Variants in CILP observed in about 807,000 individuals in gnomAD.
CILP encodes the protein cartilage intermediate layer protein, also known as cartilage intermediate layer protein 1.
CILP carries 75 observed loss-of-function variants against 82.5 expected under a neutral mutation model. The ratio of observed to expected loss-of-function variants is 0.91; its 90% CI spans 0.75 to 1.10. The LOEUF (loss-of-function observed/expected upper bound fraction) is 1.10, where lower values mean the gene tolerates loss of function less well. Among genes scored for constraint, CILP ranks in the 50% least tolerant of loss-of-function variants. CILP has a pLI of 0.00. For synonymous variants in CILP, 530 were observed against 580.3 expected, an observed-to-expected ratio of 0.91 and a Z score of 1.25; for missense variants, 1,479 against 1,530.8, an observed-to-expected ratio of 0.97 and a Z score of 0.56.
In CILP at chr15:65,207,727, G is replaced by A. The variant is rs1487520153; in HGVS notation, c.99C>T (p.Val33=). ...QTMLTQSVRR[V]QPGKKNPSIF... ...TGCTGGGGTTCTTCTTCCCAGGCTG[G>A]ACTCTTCTTACTGACTGGGTGAGCA... The change falls in exon 3 of 9, where the codon GTC becomes GTT. Residue 33 remains valine (V), a synonymous_variant. Coordinates refer to ENST00000261883, the MANE Select transcript of CILP (RefSeq NM_003613.4). 6 of 1,614,174 alleles carry A rather than the reference G, an allele frequency of 3.7e-6. No individual in the cohort carries two copies. In the South Asian group the frequency reaches 5.5e-5, roughly 15 times the overall value.
intron 8 of CILP, among the ~76,000 whole-genome samples, chr15:65,199,861 G>A (rs1210916858): frequency 2.6e-5 from 4 of 152,150 alleles, no homozygotes; most frequent in Non-Finnish European, 2.9e-5. Flanking sequence ...TCTTTTACAT[G>A]GCTTTAACCA....
chr15:65,197,774 A>C lies in CILP; in HGVS notation c.2512T>G (p.Ser838Ala). The change falls in exon 9 of 9, where the codon TCT becomes GCT. Residue 838 changes from serine (S) to alanine (A), a missense_variant. Ser to Ala is a moderately conservative substitution (Grantham distance 99). Coordinates refer to ENST00000261883, the MANE Select transcript of CILP (RefSeq NM_003613.4). ...LAGEELQAVE[S>A]SPKFNPNAIG... ...GCATTTGGGTTGAATTTAGGAGAAG[A>C]CTCCACTGCTTGCAGTTCCTCCCCA... The C allele has an allele frequency of 1.2e-6, 2 of 1,612,390 alleles. No individual in the cohort carries two copies. The highest frequency in any genetic ancestry group is 1.7e-6 in the Non-Finnish European group (2 of 1,179,914).
rs1322868994 is a variant in CILP, at chr15:65,204,319, G to T, written c.868C>A (p.Pro290Thr). Reference sequence around the variant, plus strand: ...GTGGCTGCCTTCAGGCTAGTCTTGGGCATTGTGAGTACAATGGGGGCAAAC... The same window carrying T: ...GTGGCTGCCTTCAGGCTAGTCTTGGTCATTGTGAGTACAATGGGGGCAAAC... ...VKFAPIVLTM[P>T]KTSLKAATIK... The change falls in exon 6 of 9, where the codon CCC (proline) becomes ACC (threonine). Residue 290 changes from proline to threonine, a missense_variant. Coordinates refer to ENST00000261883, the MANE Select transcript of CILP (RefSeq NM_003613.4). The T allele has an allele frequency of 6.2e-7, 1 of 1,614,156 alleles. No homozygotes were observed. The highest frequency in any genetic ancestry group is 1.7e-5 in the Admixed American group (1 of 60,012).
rs373587713 is a variant in CILP, at chr15:65,207,231, C to A, written c.155-180G>T. On this transcript the variant is annotated intron_variant, in intron 3 of 8. Coordinates refer to ENST00000261883, the MANE Select transcript of CILP (RefSeq NM_003613.4). ...TCCATTCAAGCTCTCATCAGCCTGA[C>A]TGAACCATGTCAGTCACTTTCCACA... Among the ~76,000 whole-genome samples, 143 of 152,316 alleles carry A rather than the reference C, an allele frequency of 9.4e-4. 1 individual carries two copies. The highest frequency in any genetic ancestry group is 3.2e-3 in the African/African-American group (133 of 41,572).
Position 65,195,302 on chromosome 15 carries a change from T to C in CILP, c.*1429A>G, listed in dbSNP as rs2088348450. 1 of 152,148 alleles carries C rather than the reference T, an allele frequency of 6.6e-6. No homozygotes were observed. Among genetic ancestry groups the C allele is most frequent in the Non-Finnish European group, 1.5e-5 (1 of 68,072 alleles). The allele number at this position is 152,148 out of a possible 1,614,324, so 9.4% of individuals were successfully genotyped here. A position where few individuals can be genotyped will look rare whatever the true frequency, so the allele number is the denominator to read the frequency against. On this transcript the variant is annotated 3_prime_UTR_variant, in exon 9 of 9. Transcript: ENST00000261883. ...CTTTTTGTCCTGATTGTAAACAGTG[T>C]CCTCTCTTCTCCCAAACCCTTTGGA...
chr15:65,204,624 C>T (rs762354422), intron 5 of CILP, 42 bp from the exon 6 acceptor site: 2 of 1,552,652 alleles, frequency 1.3e-6, no homozygotes, highest in Non-Finnish European at 1.7e-6. Flanking sequence ...TCTATGGATT[C>T]TGGCATTCCT....
Position 65,206,753 on chromosome 15 carries a change from C to T in CILP, c.424+29G>A, listed in dbSNP as rs765157306. On this transcript the variant is annotated intron_variant, in intron 4 of 8. Coordinates refer to ENST00000261883, the MANE Select transcript of CILP (RefSeq NM_003613.4). Reference sequence around the variant, plus strand: ...CTGAGTAGAGGCCAGTGGGAAGTAGCGGGTGGGGGTGGGGGCGTTCTGGCT... The same window carrying T: ...CTGAGTAGAGGCCAGTGGGAAGTAGTGGGTGGGGGTGGGGGCGTTCTGGCT... 14 of 1,152,154 alleles carry T rather than the reference C, an allele frequency of 1.2e-5. No individual in the cohort carries two copies. In the East Asian group the frequency reaches 1.4e-4, roughly 11 times the overall value. 71.4% of individuals were successfully genotyped at this position (1,152,154 alleles called of 1,614,324 possible). A position where few individuals can be genotyped will look rare whatever the true frequency, so the allele number is the denominator to read the frequency against.
chr15:65,196,796 G>C lies in CILP; in HGVS notation c.3490C>G (p.Arg1164Gly), dbSNP rs772689886. The C allele has an allele frequency of 6.3e-7, 1 of 1,598,642 alleles. No individual in the cohort carries two copies. The highest frequency in any genetic ancestry group is 1.1e-5 in the South Asian group (1 of 88,864). Reference sequence around the variant, plus strand: ...AGAGAGGCCACCACTCCACCCTGGCGCTGGCCACCCCTGCTCGCTCGCTGC... The same window carrying C: ...AGAGAGGCCACCACTCCACCCTGGCCCTGGCCACCCCTGCTCGCTCGCTGC... ...RQQRASRGGQRQGGVVASLRF... is the reference protein window; with the variant it reads ...RQQRASRGGQGQGGVVASLRF... Residue 1164 changes from arginine to glycine, a missense_variant, in exon 9 of 9, where the codon CGC becomes GGC. Coordinates refer to ENST00000261883, the MANE Select transcript of CILP (RefSeq NM_003613.4).
At chr15:65,203,750 A>G (rs532017102) in intron 6 of CILP, among the ~76,000 whole-genome samples, 104 of 152,224 alleles carry the variant, frequency 6.8e-4, no homozygotes, top group African/African-American at 2.5e-3. Context: ...TCCAAGCACT[A>G]CCTTTGGGAC....
At chr15:65,206,131 A>G (rs900139318) in intron 4 of CILP, among the ~76,000 whole-genome samples, 2 of 152,204 alleles carry the variant, frequency 1.3e-5, no homozygotes, top group African/African-American at 4.8e-5. Flanking sequence ...ACATGGTTCA[A>G]ACCCCAGCTC....
At chr15:65,210,561 G>A (rs78359876) in intron 1 of CILP, among the ~76,000 whole-genome samples, 1,792 of 152,308 alleles carry the variant, frequency 0.012, 13 homozygotes, top group Middle Eastern at 0.02. Flanking sequence ...CTGGGACAAG[G>A]GCAAGGAACT....
chr15:65,207,877 G>A, intron 2 of CILP, 113 bp from the exon 3 acceptor site: 1 of 832,396 alleles, frequency 1.2e-6, no homozygotes, highest in Non-Finnish European at 2.0e-6. Context: ...ACCAGGCATG[G>A]GTTCAAACCC....
At chr15:65,206,055 C>T (rs992877354) in intron 4 of CILP, among the ~76,000 whole-genome samples, 9 of 152,176 alleles carry the variant, frequency 5.9e-5, no homozygotes, top group Admixed American at 1.3e-4. Flanking sequence ...AGCAGGCCTG[C>T]TCCCCATAAC....
chr15:65,197,517 G>C lies in CILP; in HGVS notation c.2769C>G (p.Asp923Glu). 1 of 1,614,218 alleles carries C rather than the reference G, an allele frequency of 6.2e-7. No individual in the cohort carries two copies. The highest frequency in any genetic ancestry group is 2.2e-5 in the East Asian group (1 of 44,876). Residue 923 changes from aspartate (D) to glutamate (E), a missense_variant, in exon 9 of 9, where the codon GAC (aspartate) becomes GAG (glutamate). Coordinates refer to ENST00000261883, the MANE Select transcript of CILP (RefSeq NM_003613.4). The stretch of plus-strand genomic sequence containing the variant: ...CTTCGTTGAAGGGGACTGTGTTGTA[G>C]TCATATCGATCCCCCTCAATCTGGT... The part of the protein sequence containing the change: ...RFYQIEGDRY[D>E]YNTVPFNEDD...
rs779129214 is a variant in CILP, at chr15:65,198,722, A to C, written c.1564T>G (p.Tyr522Asp). ...ACATGGAGGGTGAAAGTGCCCTTGT[A>C]GCCAGTCATGCTTACACGGCTGTTC... Reference protein sequence around the residue: ...MGNSRVSMTGYKGTFTLHVPQ... With the variant: ...MGNSRVSMTGDKGTFTLHVPQ... The change falls in exon 9 of 9, where the codon TAC (tyrosine) becomes GAC (aspartate). Residue 522 changes from tyrosine (Y) to aspartate (D), a missense_variant. Physicochemically the swap from Tyr to Asp is radical, Grantham distance 160. Coordinates refer to ENST00000261883, the MANE Select transcript of CILP (RefSeq NM_003613.4). 1.9e-6 allele frequency: 3 copies of C among 1,614,216 alleles called. No individual in the cohort carries two copies. The South Asian group carries it at 3.3e-5, about 18-fold the overall frequency.
chr15:65,204,385 A>G lies in CILP; in HGVS notation c.802T>C (p.Cys268Arg), dbSNP rs148415615. Residue 268 changes from cysteine (C) to arginine (R), a missense_variant, in exon 6 of 9, where the codon TGC (cysteine) becomes CGC (arginine). Cys to Arg is a radical substitution (Grantham distance 180). Coordinates refer to ENST00000261883, the MANE Select transcript of CILP (RefSeq NM_003613.4). ...TTCAGGATGCTTTTGCCATCAGGGC[A>G]CAAGCCAGGGATTCGGAATCTCCCA... is the stretch of plus-strand genomic sequence containing the variant. ...SDGRFRIPGL[C>R]PDGKSILKIT... is the part of the protein sequence containing the mutation. The G allele has an allele frequency of 1.2e-6, 2 of 1,614,234 alleles. No homozygotes were observed. The highest frequency in any genetic ancestry group is 2.7e-5 in the African/African-American group (2 of 75,070).
At chr15:65,209,051 T>A (rs1249263156) in intron 2 of CILP, among the ~76,000 whole-genome samples, 2 of 111,770 alleles carry the variant, frequency 1.8e-5, no homozygotes, top group Non-Finnish European at 3.5e-5. Context: ...TTGCTTTACC[T>A]GAGTATGTGC....
chr15:65,201,104 C>A (rs530861341), intron 8 of CILP, among the ~76,000 whole-genome samples: 1 of 152,130 alleles, frequency 6.6e-6, no homozygotes, highest in Admixed American at 6.5e-5. Flanking sequence ...TGAGTTCAAG[C>A]GATTCTACTA....
rs145740377 is a variant in CILP, at chr15:65,207,764, C to T, written c.62G>A (p.Gly21Glu). ...TGACTGGGTGAGCATCGTCTGTCTC[C>T]CTGAGGGCCAGAAGGAGAAGCTAAG... The part of the protein sequence containing the change: ...FLVLEVTSVL[G>E]RQTMLTQSVR... Residue 21 changes from glycine to glutamate, a missense_variant and splice_region_variant, in exon 3 of 9, where the codon GGG becomes GAG. Coordinates refer to ENST00000261883, the MANE Select transcript of CILP (RefSeq NM_003613.4). The T allele has an allele frequency of 6.2e-7, 1 of 1,613,758 alleles. No individual in the cohort carries two copies. The highest frequency in any genetic ancestry group is 1.1e-5 in the South Asian group (1 of 91,074).
Sources: allele counts gnomAD v4.1 joint callset (sites outside exome capture counted in the v4.1 genomes callset), GRCh38; gene constraint gnomAD v4.1.1; transcripts MANE v1.5; gene names NCBI Gene and HGNC (gene_info 2026-07-23, HGNC 2026-07-21).